TM9SF4: variants seen among roughly 807,000 people sequenced by gnomAD.
The protein encoded by TM9SF4 is transmembrane 9 superfamily member 4.
Under a neutral mutation model 90.4 loss-of-function variants are expected in TM9SF4, and 26 were observed. That is an observed-to-expected ratio of 0.29 (90% confidence interval 0.21 to 0.40). The LOEUF is 0.40. Ranked by LOEUF, TM9SF4 falls within the 10% of genes least tolerant of loss-of-function variation. TM9SF4 has a pLI of 1.00. For missense variants in TM9SF4, 549 were observed against 834.8 expected (o/e 0.66, Z 4.22); for synonymous variants, 293 against 315.4 (o/e 0.93, Z 0.75).
At chr20:32,158,365 C>T (rs934953599) in intron 14 of TM9SF4, 86 bp from the exon 15 acceptor site, 12 of 1,289,272 alleles carry the variant, frequency 9.3e-6, no homozygotes, top group African/African-American at 1.5e-5. Flanking sequence ...CGTGTAGGTG[C>T]TCTCTCTTCA....
At chr20:32,124,864 G>T (rs6061167) in intron 1 of TM9SF4, among the ~76,000 whole-genome samples, 21,029 of 152,166 alleles carry the variant, frequency 0.14, 1,520 homozygotes, top group East Asian at 0.18. Flanking sequence ...TTGGATTACG[G>T]GTGTGAGCCA....
Position 32,157,369 on chromosome 20 carries a change from A to G in TM9SF4, c.1330-425A>G, listed in dbSNP as rs566605615. On this transcript the variant is annotated intron_variant, in intron 13 of 17. Coordinates refer to ENST00000398022, the MANE Select transcript of TM9SF4 (RefSeq NM_014742.4). ...TGGAATCCTTCTATACACATAGTTTATAGCCTCCTTTTTACACTTAATAGT... is the reference window on the plus strand; with the variant it reads ...TGGAATCCTTCTATACACATAGTTTGTAGCCTCCTTTTTACACTTAATAGT... Among the ~76,000 whole-genome samples, 3 of 152,334 alleles carry G rather than the reference A, an allele frequency of 2.0e-5. No homozygotes were observed. In the South Asian group the frequency reaches 6.2e-4, roughly 32 times the overall value.
chr20:32,153,308 G>C (rs2046869757), intron 12 of TM9SF4, among the ~76,000 whole-genome samples: 1 of 152,240 alleles, frequency 6.6e-6, no homozygotes, highest in Non-Finnish European at 1.5e-5. Context: ...ACAGTGACCA[G>C]TTGTTGGGTG....
intron 12 of TM9SF4, among the ~76,000 whole-genome samples, chr20:32,151,167 GA>G (rs2046835541): frequency 6.6e-6 from 1 of 152,074 alleles, no homozygotes; most frequent in South Asian, 2.1e-4. Context: ...AGAAATAGGG[GA>G]TTCAGAATAA....
chr20:32,153,062 G>A (rs1285762704), intron 12 of TM9SF4, among the ~76,000 whole-genome samples: 2 of 152,196 alleles, frequency 1.3e-5, no homozygotes, highest in African/African-American at 4.8e-5. Flanking sequence ...TTCAGATGAA[G>A]GGACGCAGCC....
At position 32,136,133 on chromosome 20, in the gene TM9SF4, C is replaced by G; in HGVS notation, c.189C>G (p.Phe63Leu). The G allele has an allele frequency of 1.9e-6, 3 of 1,614,222 alleles. No individual in the cohort carries two copies. The highest frequency in any genetic ancestry group is 2.2e-5 in the South Asian group (2 of 91,084). ...CTTATGAATACTATTCACTGCCCTTCTGCCAGCCCAGCAAGATAACCTACA... is the reference window on the plus strand; with the variant it reads ...CTTATGAATACTATTCACTGCCCTTGTGCCAGCCCAGCAAGATAACCTACA... ...QLPYEYYSLPFCQPSKITYKA... is the reference protein window; with the variant it reads ...QLPYEYYSLPLCQPSKITYKA... The change falls in exon 3 of 18, where the codon TTC (phenylalanine) becomes TTG (leucine). Residue 63 changes from phenylalanine (F) to leucine (L), a missense_variant. Coordinates refer to ENST00000398022, the MANE Select transcript of TM9SF4 (RefSeq NM_014742.4).
intron 17 of TM9SF4, among the ~76,000 whole-genome samples, chr20:32,163,320 T>A (rs2047054588): frequency 7.0e-6 from 1 of 142,680 alleles, no homozygotes; most frequent in Non-Finnish European, 1.5e-5. Context: ...TATGTACACA[T>A]ACATACCAGG....
At chr20:32,158,040 G>T (rs1461398125) in intron 14 of TM9SF4, 71 bp downstream of exon 14, 5 of 1,577,252 alleles carry the variant, frequency 3.2e-6, no homozygotes, top group Non-Finnish European at 4.3e-6. Flanking sequence ...CACCAGAAGG[G>T]TGCGGCAACC....
intron 2 of TM9SF4, 44 bp downstream of exon 2, chr20:32,133,170 G>T: frequency 6.3e-7 from 1 of 1,577,110 alleles, no homozygotes; most frequent in Non-Finnish European, 8.7e-7. Context: ...GCTAGGCAGT[G>T]TGTCTGGAGC....
In TM9SF4 at chr20:32,162,021, G is replaced by A. The variant is rs568529437; in HGVS notation, c.1779+656G>A. ...GGCAACTCACAGAGCTCATTGTCCC[G>A]AGAGAGAGACGTGGGCAAGAATACA... is the stretch of plus-strand genomic sequence containing the variant. On this transcript the variant is annotated intron_variant, in intron 17 of 17. Coordinates refer to ENST00000398022, the MANE Select transcript of TM9SF4 (RefSeq NM_014742.4). 1.4e-4 allele frequency among the ~76,000 whole-genome samples: 22 copies of A among 152,244 alleles called. 1 individual carries two copies. The South Asian group carries it at 4.0e-3, about 27-fold the overall frequency.
chr20:32,131,315 TGCAAA>T (rs1341784065), intron 1 of TM9SF4, among the ~76,000 whole-genome samples: 1 of 152,266 alleles, frequency 6.6e-6, no homozygotes, highest in Non-Finnish European at 1.5e-5. Context: ...GCTATGTGTC[TGCAAA>T]AAGTGTACTG....
intron 1 of TM9SF4, among the ~76,000 whole-genome samples, chr20:32,122,354 T>C (rs1447586208): frequency 6.7e-6 from 1 of 148,938 alleles, no homozygotes; most frequent in East Asian, 2.0e-4. Flanking sequence ...GCGGAGATGC[T>C]CCTCACTTCC....
intron 1 of TM9SF4, among the ~76,000 whole-genome samples, chr20:32,121,486 A>G (rs969329472): frequency 6.6e-6 from 1 of 152,116 alleles, no homozygotes; most frequent in African/African-American, 2.4e-5. Context: ...CTGAGTGGAC[A>G]CAGCACATGT....
intron 1 of TM9SF4, among the ~76,000 whole-genome samples, chr20:32,118,598 GTTGTATT>G (rs2046259766): frequency 7.1e-6 from 1 of 140,376 alleles, no homozygotes; most frequent in Non-Finnish European, 1.5e-5. Flanking sequence ...TATTTATTTT[GTTGTATT>G]TATTTATTTA....
chr20:32,141,432 G>A, intron 3 of TM9SF4, 65 bp from the exon 4 acceptor site: 2 of 1,584,698 alleles, frequency 1.3e-6, no homozygotes, highest in Non-Finnish European at 1.7e-6. Flanking sequence ...GTGTCTCTGT[G>A]ACTCTGCTGA....
intron 13 of TM9SF4, among the ~76,000 whole-genome samples, chr20:32,155,866 G>C (rs1041350112): frequency 1.3e-5 from 2 of 152,174 alleles, no homozygotes; most frequent in African/African-American, 4.8e-5. Flanking sequence ...TTACAGAGGA[G>C]GGGTTTCTTT....
At chr20:32,147,127 G>A (rs750011458) in intron 9 of TM9SF4, among the ~76,000 whole-genome samples, 9 of 151,700 alleles carry the variant, frequency 5.9e-5, no homozygotes, top group African/African-American at 1.5e-4. Context: ...CTACAGGCAC[G>A]CACCACCACA....
chr20:32,135,504 A>G (rs1278514366), intron 2 of TM9SF4, among the ~76,000 whole-genome samples: 1 of 152,236 alleles, frequency 6.6e-6, no homozygotes, highest in Admixed American at 6.5e-5. Context: ...CAGATATGCT[A>G]TGAAGTAAAC....
chr20:32,145,921 C>T (rs756093786), intron 8 of TM9SF4, among the ~76,000 whole-genome samples: 30 of 152,134 alleles, frequency 2.0e-4, no homozygotes, highest in Non-Finnish European at 2.8e-4. Context: ...CCTTTCTTTA[C>T]GATAAGGAGC....
Sources: allele counts gnomAD v4.1 joint callset (sites outside exome capture counted in the v4.1 genomes callset), GRCh38; gene constraint gnomAD v4.1.1; transcripts MANE v1.5; gene names NCBI Gene and HGNC (gene_info 2026-07-23, HGNC 2026-07-21).